Variants in ATP2B1 observed in about 807,000 individuals in gnomAD.
The protein encoded by ATP2B1 is ATPase plasma membrane Ca2+ transporting 1, also known as plasma membrane calcium-transporting ATPase 1.
Under a neutral mutation model 124.2 loss-of-function variants are expected in ATP2B1, and 14 were observed. The ratio of observed to expected loss-of-function variants is 0.11; its 90% CI spans 0.07 to 0.18. The LOEUF (loss-of-function observed/expected upper bound fraction) is 0.18. Ranked by LOEUF, ATP2B1 falls within the 10% of genes least tolerant of loss-of-function variation. The pLI is 1.00. For missense variants in ATP2B1, 763 were observed against 1,466.1 expected (o/e 0.52, Z 7.83); for synonymous variants, 449 against 492.4 (o/e 0.91, Z 1.17).
chr12:89,623,029 G>A (rs1028285549), intron 9 of ATP2B1, among the ~76,000 whole-genome samples: 1 of 151,366 alleles, frequency 6.6e-6, no homozygotes, highest in Non-Finnish European at 1.5e-5. Context: ...TATCAAAAAA[G>A]GACAGATAGA....
chr12:89,613,105 G>A lies in ATP2B1; in HGVS notation c.2068-1733C>T, dbSNP rs1489503215. On this transcript the variant is annotated intron_variant, in intron 12 of 20. Transcript: ENST00000428670. ...AGTGATCCTCCCACCTCAGCCTCCT[G>A]AGTAGCTGGGATCACAGGTACACGC... 2.6e-5 allele frequency among the ~76,000 whole-genome samples: 4 copies of A among 151,772 alleles called. No homozygotes were observed. The South Asian group carries it at 6.2e-4, about 24-fold the overall frequency.
intron 1 of ATP2B1, among the ~76,000 whole-genome samples, chr12:89,700,251 A>G (rs910895841): frequency 8.5e-5 from 13 of 152,106 alleles, no homozygotes; most frequent in Non-Finnish European, 1.6e-4. Flanking sequence ...ACATGCAGAC[A>G]GTTTGATGCT....
chr12:89,626,809 A>G (rs1189823244), intron 7 of ATP2B1, among the ~76,000 whole-genome samples, 194 bp from the exon 8 acceptor site: 7 of 152,202 alleles, frequency 4.6e-5, no homozygotes, highest in Admixed American at 2.6e-4. Context: ...ACTTTGTACC[A>G]TATTTGAAAA....
intron 11 of ATP2B1, among the ~76,000 whole-genome samples, chr12:89,619,014 G>T (rs554177821): frequency 1.3e-5 from 2 of 151,372 alleles, no homozygotes; most frequent in East Asian, 3.9e-4. Context: ...CTTCTTTAAT[G>T]AAATTAAAGA....
chr12:89,642,656 G>A (rs746817049), intron 2 of ATP2B1, among the ~76,000 whole-genome samples: 4 of 152,044 alleles, frequency 2.6e-5, no homozygotes, highest in African/African-American at 7.2e-5. Context: ...CCAGGCTGGC[G>A]TGCAGTGGCA....
At position 89,603,196 on chromosome 12, in the gene ATP2B1, T is replaced by C; in HGVS notation, c.2907A>G (p.Ser969=). 6.2e-7 allele frequency: 1 copy of C among 1,613,358 alleles called. No individual in the cohort carries two copies. Among genetic ancestry groups the C allele is most frequent in the Non-Finnish European group, 8.5e-7 (1 of 1,179,692 alleles). The change falls in exon 18 of 21, where the codon TCA becomes TCG. Residue 969 remains serine, a synonymous_variant. Coordinates refer to ENST00000428670, the MANE Select transcript of ATP2B1 (RefSeq NM_001366521.1). The surrounding 1 kb of genome is among the most constrained non-coding windows in gnomAD (Gnocchi z 4.3). ...TATTAAAAACAATAGTATAATGTTC[T>C]GAAGGAGGAGCATGCAAAGGAGCAT... is the stretch of plus-strand genomic sequence containing the variant. ...GRNAPLHAPP[S]EHYTIVFNTF... is the part of the protein sequence containing the mutation.
chr12:89,696,646 C>T (rs1891169028), intron 1 of ATP2B1, among the ~76,000 whole-genome samples: 3 of 152,178 alleles, frequency 2.0e-5, no homozygotes, highest in Non-Finnish European at 4.4e-5. Flanking sequence ...ATTTGTTTCA[C>T]TTTACATTGT....
rs1176003702 is a variant in ATP2B1, at chr12:89,603,277, T to C, written c.2849-23A>G. Reference sequence around the variant, plus strand: ...CTCCTGAAAGAATGAAAAATGACTATTTTGTAATTATCATACCAAATTAGA... The same window carrying C: ...CTCCTGAAAGAATGAAAAATGACTACTTTGTAATTATCATACCAAATTAGA... On this transcript the variant is annotated intron_variant, in intron 17 of 20. Transcript: ENST00000428670. This position sits in a 1 kb window ranked among gnomAD's most constrained non-coding sequence, Gnocchi z 4.3. 6.5e-7 allele frequency: 1 copy of C among 1,539,910 alleles called. No individual in the cohort carries two copies. The highest frequency in any genetic ancestry group is 8.8e-7 in the Non-Finnish European group (1 of 1,134,728).
Position 89,684,667 on chromosome 12 carries a change from A to T in ATP2B1, c.-222+23929T>A, listed in dbSNP as rs1372223204. On this transcript the variant is annotated intron_variant, in intron 1 of 20. Coordinates refer to ENST00000428670, the MANE Select transcript of ATP2B1 (RefSeq NM_001366521.1). ...AAAAGAGTAATTTTTAAATGAAAAA[A>T]AGTGAGTTATTTTAGAGCAGGTAAT... Among the ~76,000 whole-genome samples, 3 of 152,184 alleles carry T rather than the reference A, an allele frequency of 2.0e-5. No individual in the cohort carries two copies. The East Asian group carries it at 5.8e-4, about 29-fold the overall frequency.
rs972638984 is a variant in ATP2B1, at chr12:89,700,486, T to C, written c.-222+8110A>G. ...GCACTTACTTTCTTTTGAGCATGAA[T>C]AGAGAAGAAAAGGACAGAAGTATAG... On this transcript the variant is annotated intron_variant, in intron 1 of 20. Coordinates refer to ENST00000428670, the MANE Select transcript of ATP2B1 (RefSeq NM_001366521.1). 3.3e-5 allele frequency among the ~76,000 whole-genome samples: 5 copies of C among 152,230 alleles called. 1 individual carries two copies. Among genetic ancestry groups the C allele is most frequent in the Admixed American group, 6.5e-5 (1 of 15,292 alleles).
chr12:89,655,618 A>G (rs765417605), intron 2 of ATP2B1, 61 bp downstream of exon 2: 2 of 1,493,592 alleles, frequency 1.3e-6, no homozygotes, highest in Non-Finnish European at 1.9e-6. Context: ...ATGCTCATTT[A>G]TAAGCCAAAT....
At chr12:89,652,086 A>T (rs1885330450) in intron 2 of ATP2B1, among the ~76,000 whole-genome samples, 1 of 152,144 alleles carries the variant, frequency 6.6e-6, no homozygotes, top group Non-Finnish European at 1.5e-5. Flanking sequence ...TTTTTTAAAC[A>T]TGTATCGCCA....
intron 20 of ATP2B1, chr12:89,593,786 G>C (rs1874047449): frequency 6.6e-6 from 1 of 151,882 alleles, no homozygotes; most frequent in Non-Finnish European, 1.5e-5. Context: ...ATCTGAATTT[G>C]TTGAACAATA....
Position 89,708,750 on chromosome 12 carries a change from A to T in ATP2B1, c.-376T>A, listed in dbSNP as rs1181684333. The T allele has an allele frequency of 6.6e-6, 1 of 151,588 alleles. No homozygotes were observed. Among genetic ancestry groups the T allele is most frequent in the East Asian group, 2.0e-4 (1 of 5,114 alleles). The allele number at this position is 151,588 out of a possible 1,614,324, so 9.4% of individuals were successfully genotyped here. On this transcript the variant is annotated 5_prime_UTR_variant, in exon 1 of 21. Transcript: ENST00000428670. Reference sequence around the variant, plus strand: ...TCGCAGGGCTCGGGGCGCCACGCGGAGGTGCAGCTGCACCTCGGGGATGGG... The same window carrying T: ...TCGCAGGGCTCGGGGCGCCACGCGGTGGTGCAGCTGCACCTCGGGGATGGG...
chr12:89,659,531 G>A (rs576893170), intron 1 of ATP2B1, among the ~76,000 whole-genome samples: 1 of 152,308 alleles, frequency 6.6e-6, no homozygotes, highest in Non-Finnish European at 1.5e-5. Context: ...TTATATCCTA[G>A]TAGTTACTAG....
chr12:89,687,955 A>G (rs1890150816), intron 1 of ATP2B1, among the ~76,000 whole-genome samples: 1 of 152,086 alleles, frequency 6.6e-6, no homozygotes, highest in Non-Finnish European at 1.5e-5. Context: ...GCTAAATCAG[A>G]TAGTTATTTA....
At chr12:89,607,505 C>T (rs991298448) in intron 15 of ATP2B1, among the ~76,000 whole-genome samples, 1 of 152,050 alleles carries the variant, frequency 6.6e-6, no homozygotes, top group East Asian at 1.9e-4. Flanking sequence ...TCTAATGTTC[C>T]GGGACTGGAA....
intron 1 of ATP2B1, among the ~76,000 whole-genome samples, chr12:89,658,523 TAA>T (rs1886235276): frequency 6.6e-6 from 1 of 151,600 alleles, no homozygotes; most frequent in Non-Finnish European, 1.5e-5. Context: ...TTATCAGTAA[TAA>T]AACTGTTTTT....
At chr12:89,628,993 A>G (rs2136145212) in intron 6 of ATP2B1, among the ~76,000 whole-genome samples, 1 of 152,292 alleles carries the variant, frequency 6.6e-6, no homozygotes, top group East Asian at 1.9e-4. Context: ...TTCTTTAAAA[A>G]AAAAACAACA....
Sources: allele counts gnomAD v4.1 joint callset (sites outside exome capture counted in the v4.1 genomes callset), GRCh38; gene constraint gnomAD v4.1.1; non-coding constraint Gnocchi (gnomAD v3.1); transcripts MANE v1.5; gene names NCBI Gene and HGNC (gene_info 2026-07-23, HGNC 2026-07-21).